CFDP1: variants seen among roughly 807,000 people sequenced by gnomAD.
The protein encoded by CFDP1 is chromatin remodeling protein CFDP1.
In CFDP1, 31 loss-of-function variants were observed where a neutral mutation model predicts 40.1. The observed-to-expected ratio is 0.77, with a 90% CI of 0.58 to 1.04. The LOEUF is 1.04. Ranked by LOEUF, CFDP1 falls within the 50% of genes least tolerant of loss-of-function variation. The pLI is 0.00. For missense variants in CFDP1, 423 were observed against 343.4 expected (o/e 1.23, Z -1.83); for synonymous variants, 167 against 120.0 (o/e 1.39, Z -2.56).
intron 6 of CFDP1, among the ~76,000 whole-genome samples, chr16:75,303,257 T>C (rs2078233529): frequency 6.6e-6 from 1 of 151,314 alleles, no homozygotes; most frequent in South Asian, 2.1e-4. Flanking sequence ...TCCCAGCTAC[T>C]TGGGAGGCTG....
chr16:75,310,335 A>C (rs933459003), intron 5 of CFDP1, among the ~76,000 whole-genome samples: 1 of 152,200 alleles, frequency 6.6e-6, no homozygotes, highest in Admixed American at 6.5e-5. Flanking sequence ...TCAATCAGCA[A>C]TTATCAACTC....
intron 2 of CFDP1, among the ~76,000 whole-genome samples, chr16:75,414,059 C>G (rs1032183522): frequency 6.6e-6 from 1 of 152,082 alleles, no homozygotes; most frequent in African/African-American, 2.4e-5. Flanking sequence ...AAACATCCCT[C>G]GATACAGGAA....
In CFDP1 at chr16:75,341,862, A is replaced by G. The variant is rs9933514; in HGVS notation, c.651-36680T>C. 5.2e-3 allele frequency among the ~76,000 whole-genome samples: 794 copies of G among 152,216 alleles called. 7 individuals are homozygous for G. The highest frequency in any genetic ancestry group is 0.018 in the African/African-American group (749 of 41,520). ...TAACGAGGCAGTGTGGTTCCATGGAAAAGTAACTCTAGCTGGAGCAATCAA... is the reference window on the plus strand; with the variant it reads ...TAACGAGGCAGTGTGGTTCCATGGAGAAGTAACTCTAGCTGGAGCAATCAA... On this transcript the variant is annotated intron_variant, in intron 5 of 6. Transcript: ENST00000283882.
At chr16:75,393,741 A>C (rs2078972391) in intron 5 of CFDP1, among the ~76,000 whole-genome samples, 1 of 2,784 alleles carries the variant, frequency 3.6e-4, no homozygotes, top group African/African-American at 5.9e-4. Flanking sequence ...CCGTCGCAAA[A>C]AAAAAAAAAA....
chr16:75,404,671 G>C (rs571003114), intron 4 of CFDP1, among the ~76,000 whole-genome samples: 1 of 151,550 alleles, frequency 6.6e-6, no homozygotes, highest in African/African-American at 2.4e-5. Flanking sequence ...CCAAATTGAG[G>C]GACATTATGC....
chr16:75,372,068 A>G (rs1259846012), intron 5 of CFDP1: 1 of 152,318 alleles, frequency 6.6e-6, no homozygotes, highest in South Asian at 2.1e-4. Flanking sequence ...ATTAAGTAAA[A>G]CTATTATTTG....
chr16:75,305,660 C>T (rs546711033), intron 5 of CFDP1, among the ~76,000 whole-genome samples: 7 of 152,154 alleles, frequency 4.6e-5, no homozygotes, highest in African/African-American at 1.7e-4. Context: ...CTTGGCACAG[C>T]GTCAAGGTGC....
chr16:75,377,482 CTT>C (rs1288916277), intron 5 of CFDP1, among the ~76,000 whole-genome samples: 1 of 152,218 alleles, frequency 6.6e-6, no homozygotes, highest in Non-Finnish European at 1.5e-5. Context: ...TAACTCAACT[CTT>C]TCTTGAATAT....
intron 6 of CFDP1, among the ~76,000 whole-genome samples, chr16:75,297,146 TTGTGTGTGTGTGTGTGTGTC>T (rs1008573398): frequency 2.2e-4 from 29 of 133,082 alleles, no homozygotes; most frequent in African/African-American, 7.8e-4. Flanking sequence ...TTCCCATTTC[TTGTGTGTGTGTGTGTGTGTC>T]TGTGTGTGTG....
At chr16:75,410,694 G>A (rs1293155333) in intron 4 of CFDP1, among the ~76,000 whole-genome samples, 1 of 151,078 alleles carries the variant, frequency 6.6e-6, no homozygotes, top group Non-Finnish European at 1.5e-5. Flanking sequence ...GGATCACGAG[G>A]TCAGGAGATC....
intron 1 of CFDP1, among the ~76,000 whole-genome samples, chr16:75,427,546 C>T (rs1379818510): frequency 6.6e-6 from 1 of 152,072 alleles, no homozygotes; most frequent in Admixed American, 6.6e-5. Context: ...CCACCGCGCT[C>T]GGCCCCAAAT....
At chr16:75,315,593 A>G (rs991631637) in intron 5 of CFDP1, among the ~76,000 whole-genome samples, 19 of 152,164 alleles carry the variant, frequency 1.2e-4, no homozygotes, top group African/African-American at 4.3e-4. Flanking sequence ...AAAATGTGAA[A>G]CTGAAAGAAA....
At chr16:75,423,337 T>G (rs1326978640) in intron 1 of CFDP1, among the ~76,000 whole-genome samples, 1 of 150,166 alleles carries the variant, frequency 6.7e-6, no homozygotes, top group East Asian at 2.0e-4. Flanking sequence ...TAGTCCCAGG[T>G]ACCTGGGAGG....
At position 75,311,367 on chromosome 16, in the gene CFDP1, T is replaced by C. The variant is rs189323646; in HGVS notation, c.651-6185A>G. Among the ~76,000 whole-genome samples, 91 of 152,326 alleles carry C rather than the reference T, an allele frequency of 6.0e-4. No individual in the cohort carries two copies. The East Asian group carries it at 0.016, about 27-fold the overall frequency. On this transcript the variant is annotated intron_variant, in intron 5 of 6. Coordinates refer to ENST00000283882, the MANE Select transcript of CFDP1 (RefSeq NM_006324.3). ...TATTTTGCCCAGGCTGGTCTCGAACTCCTGGCCTCAATCATCCCACTTTGG... is the reference window on the plus strand; with the variant it reads ...TATTTTGCCCAGGCTGGTCTCGAACCCCTGGCCTCAATCATCCCACTTTGG...
chr16:75,333,871 T>A (rs1029649820), intron 5 of CFDP1, among the ~76,000 whole-genome samples: 1 of 152,162 alleles, frequency 6.6e-6, no homozygotes, highest in Non-Finnish European at 1.5e-5. Context: ...AGCCCATTAC[T>A]TTTTTTGCTC....
At chr16:75,394,905 C>T (rs1028256779) in intron 5 of CFDP1, 185 bp downstream of exon 5, 15 of 680,424 alleles carry the variant, frequency 2.2e-5, no homozygotes, top group Non-Finnish European at 3.0e-5. Context: ...AAGCAATCCT[C>T]CTGAGAAAGT....
chr16:75,361,358 T>G (rs2078678292), intron 5 of CFDP1, among the ~76,000 whole-genome samples: 1 of 152,188 alleles, frequency 6.6e-6, no homozygotes, highest in African/African-American at 2.4e-5. Context: ...GGCTCACACC[T>G]GTAATCCCAG....
chr16:75,360,617 G>A (rs1373385489), intron 5 of CFDP1, among the ~76,000 whole-genome samples: 1 of 152,132 alleles, frequency 6.6e-6, no homozygotes, highest in Admixed American at 6.5e-5. Context: ...TCCTGTGGCT[G>A]AATAAAATCC....
rs147733890 is a variant in CFDP1, at chr16:75,422,437, T to C, written c.65-7742A>G. Among the ~76,000 whole-genome samples the C allele has an allele frequency of 1.8e-4, 27 of 148,490 alleles. 1 individual carries two copies. The highest frequency in any genetic ancestry group is 1.8e-3 in the Admixed American group (27 of 14,892). ...TTTTTTGAGACAGAGTCTCGCTCTG[T>C]TGCCCAAGCTAGAGTGCAGTGGCAT... On this transcript the variant is annotated intron_variant, in intron 1 of 6. Transcript: ENST00000283882.
Sources: gnomAD v4.1 joint callset for allele counts (sites outside exome capture counted in the v4.1 genomes callset) on GRCh38, gnomAD v4.1.1 for gene constraint, MANE v1.5 for transcripts, NCBI Gene and HGNC (gene_info 2026-07-23, HGNC 2026-07-21) for gene names.